The following NEK10 variants were observed in gnomAD, a reference collection of about 807,000 sequenced individuals.
The protein encoded by NEK10 is serine/threonine-protein kinase Nek10.
A neutral mutation model predicts 159.8 loss-of-function variants in NEK10; 122 were observed. The ratio of observed to expected loss-of-function variants is 0.76; its 90% CI spans 0.66 to 0.89. The LOEUF is 0.89. Among genes scored for constraint, NEK10 ranks in the 40% least tolerant of loss-of-function variants. NEK10 has a pLI of 0.00. For missense variants in NEK10, 1,342 were observed against 1,323.1 expected, an observed-to-expected ratio of 1.01 and a Z score of -0.22; for synonymous variants, 466 against 457.1, an observed-to-expected ratio of 1.02 and a Z score of -0.25.
chr3:27,366,808 T>C (rs2049121470), intron 1 of NEK10, among the ~76,000 whole-genome samples: 1 of 15,484 alleles, frequency 6.5e-5, no homozygotes, highest in Non-Finnish European at 1.5e-4. Flanking sequence ...AGTGTGTTCA[T>C]TTTTTTTTTT....
intron 23 of NEK10, among the ~76,000 whole-genome samples, chr3:27,241,564 C>G (rs921543538): frequency 6.6e-6 from 1 of 152,196 alleles, no homozygotes; most frequent in Admixed American, 6.5e-5. Flanking sequence ...CCAAGTACCT[C>G]AACAGATTTG....
intron 23 of NEK10, among the ~76,000 whole-genome samples, chr3:27,235,646 C>T (rs1953827255): frequency 6.6e-6 from 1 of 152,126 alleles, no homozygotes; most frequent in Admixed American, 6.6e-5. Context: ...AAAAGAAATG[C>T]TTTTACATTG....
At chr3:27,329,694 G>T (rs950951811) in intron 5 of NEK10, among the ~76,000 whole-genome samples, 18 of 152,088 alleles carry the variant, frequency 1.2e-4, no homozygotes, top group African/African-American at 4.1e-4. Context: ...CTTTTCCCTG[G>T]TGCACACCTA....
At chr3:27,138,600 G>A (rs1192755790) in intron 31 of NEK10, among the ~76,000 whole-genome samples, 1 of 152,034 alleles carries the variant, frequency 6.6e-6, no homozygotes, top group Non-Finnish European at 1.5e-5. Context: ...AACCTTCCCT[G>A]TTGAAACTAT....
In NEK10 at chr3:27,297,210, A is replaced by T; in HGVS notation, c.1199T>A (p.Leu400His). The T allele has an allele frequency of 6.2e-7, 1 of 1,613,302 alleles. No individual in the cohort carries two copies. Among genetic ancestry groups the T allele is most frequent in the Non-Finnish European group, 8.5e-7 (1 of 1,179,250 alleles). ...CACCTGGTGGGCATTGGTGTCATTG[A>T]GCACCAGCTCAGTGAGGGCAGCACA... is the stretch of plus-strand genomic sequence containing the variant. ...ACCAALTELV[L>H]NDTNAHQVVQ... is the part of the protein sequence containing the mutation. Residue 400 changes from leucine (L) to histidine (H), a missense_variant, in exon 14 of 36, where the codon CTC becomes CAC. Transcript: ENST00000691995.
intron 22 of NEK10, among the ~76,000 whole-genome samples, chr3:27,280,934 T>C (rs2042112724): frequency 6.8e-6 from 1 of 146,124 alleles, no homozygotes; most frequent in South Asian, 2.3e-4. Context: ...TGTGTGTGTG[T>C]GTGTATATGT....
At chr3:27,166,821 G>A (rs183814481) in intron 29 of NEK10, among the ~76,000 whole-genome samples, 1 of 152,232 alleles carries the variant, frequency 6.6e-6, no homozygotes, top group East Asian at 1.9e-4. Context: ...TTAGCTGGGT[G>A]TGGTGGCAGG....
chr3:27,227,910 G>C (rs1304706971), intron 23 of NEK10, among the ~76,000 whole-genome samples: 3 of 152,152 alleles, frequency 2.0e-5, no homozygotes, highest in African/African-American at 7.2e-5. Flanking sequence ...AGTAAAAACT[G>C]CTTTGTCGAA....
intron 22 of NEK10, among the ~76,000 whole-genome samples, chr3:27,277,273 T>C (rs140289071): frequency 1.3e-5 from 2 of 152,138 alleles, no homozygotes; most frequent in African/African-American, 4.8e-5. Context: ...GAACCCACCC[T>C]GGAACTACTC....
intron 6 of NEK10, among the ~76,000 whole-genome samples, chr3:27,318,588 T>G (rs2045385035): frequency 6.6e-6 from 1 of 152,226 alleles, no homozygotes; most frequent in Admixed American, 6.5e-5. Flanking sequence ...TCATGAGATG[T>G]TGTGTAGCTT....
intron 20 of NEK10, among the ~76,000 whole-genome samples, chr3:27,285,174 T>A (rs2042485522): frequency 6.6e-6 from 1 of 152,176 alleles, no homozygotes; most frequent in Non-Finnish European, 1.5e-5. Flanking sequence ...ACAGTTATCT[T>A]CTGGCTACAG....
intron 3 of NEK10, among the ~76,000 whole-genome samples, chr3:27,351,837 T>C (rs555850929): frequency 5.9e-5 from 9 of 152,052 alleles, no homozygotes; most frequent in Non-Finnish European, 1.0e-4. Context: ...AGCATTGCTA[T>C]GCTGTTCCCC....
At chr3:27,308,182 C>T (rs940960002) in intron 10 of NEK10, among the ~76,000 whole-genome samples, 7 of 152,156 alleles carry the variant, frequency 4.6e-5, no homozygotes, top group Non-Finnish European at 8.8e-5. Flanking sequence ...GGATAAGTGC[C>T]GAGCCAAGGG....
chr3:27,213,912 T>C (rs887575358), intron 23 of NEK10, among the ~76,000 whole-genome samples: 1 of 152,252 alleles, frequency 6.6e-6, no homozygotes, highest in East Asian at 1.9e-4. Context: ...TCCAGGTCTT[T>C]TTCTGATCCT....
intron 23 of NEK10, among the ~76,000 whole-genome samples, chr3:27,210,946 T>G (rs1317818782): frequency 2.0e-5 from 3 of 152,212 alleles, no homozygotes; most frequent in Non-Finnish European, 4.4e-5. Flanking sequence ...ATTTGATAGA[T>G]TAATGCAATA....
intron 3 of NEK10, among the ~76,000 whole-genome samples, chr3:27,350,687 A>T (rs1053440873): frequency 1.3e-5 from 2 of 152,138 alleles, no homozygotes; most frequent in African/African-American, 4.8e-5. Context: ...ACAGATTGCA[A>T]ATTTGAAAAT....
At chr3:27,206,460 G>A (rs149992653) in intron 23 of NEK10, 52 of 295,090 alleles carry the variant, frequency 1.8e-4, no homozygotes, top group Non-Finnish European at 2.5e-4. Context: ...GAGGTAAGGT[G>A]GCAAGTTGCA....
intron 32 of NEK10, among the ~76,000 whole-genome samples, chr3:27,121,184 A>G (rs1941252166): frequency 6.6e-6 from 1 of 152,166 alleles, no homozygotes; most frequent in Admixed American, 6.5e-5. Context: ...AAAAACCCCA[A>G]TTGTCCGTGG....
At chr3:27,161,822 T>C (rs867027981) in intron 30 of NEK10, among the ~76,000 whole-genome samples, 2 of 152,124 alleles carry the variant, frequency 1.3e-5, no homozygotes, top group Non-Finnish European at 2.9e-5. Flanking sequence ...CTGGCCACCA[T>C]GGTGAAACCC....
Sources: gnomAD v4.1 joint callset for allele counts (sites outside exome capture counted in the v4.1 genomes callset) on GRCh38, gnomAD v4.1.1 for gene constraint, MANE v1.5 for transcripts, NCBI Gene and HGNC (gene_info 2026-07-23, HGNC 2026-07-21) for gene names.